Variants in SPATA6 observed in about 807,000 individuals in gnomAD.
SPATA6 encodes spermatogenesis associated 6, also known as spermatogenesis-associated protein 6.
A neutral mutation model predicts 65.3 loss-of-function variants in SPATA6; 56 were observed. The observed-to-expected ratio is 0.86, with a 90% CI of 0.69 to 1.07. The LOEUF is 1.07. Among genes scored for constraint, SPATA6 ranks in the 50% least tolerant of loss-of-function variants. The pLI is 0.00. For synonymous variants in SPATA6, 199 were observed against 213.2 expected (o/e 0.93, Z 0.58); for missense variants, 590 against 594.8 (o/e 0.99, Z 0.08).
At chr1:48,277,041 TAACTC>T in the SPATA6 span, among the ~76,000 whole-genome samples, 1 of 151,444 alleles carries the variant, frequency 6.6e-6, no homozygotes, top group Non-Finnish European at 1.5e-5. Flanking sequence ...TTAAGATAGT[TAACTC>T]TTCTTGTTGC....
intron 8 of SPATA6, among the ~76,000 whole-genome samples, chr1:48,394,491 T>C (rs1271902095): frequency 2.0e-5 from 3 of 152,072 alleles, no homozygotes; most frequent in Non-Finnish European, 4.4e-5. Context: ...AAAGACCTGT[T>C]GATTATCACA....
At chr1:48,331,289 T>G (rs1232172489) in intron 11 of SPATA6, among the ~76,000 whole-genome samples, 4 of 151,844 alleles carry the variant, frequency 2.6e-5, no homozygotes, top group African/African-American at 9.7e-5. Context: ...TCGTCGAGAT[T>G]CAGGAGACTG....
chr1:48,464,605 C>T (rs2148195500), intron 1 of SPATA6, among the ~76,000 whole-genome samples: 1 of 152,200 alleles, frequency 6.6e-6, no homozygotes, highest in Middle Eastern at 3.4e-3. Flanking sequence ...GGGCTATTGC[C>T]TCATAAACCA....
intron 3 of SPATA6, among the ~76,000 whole-genome samples, chr1:48,442,704 G>A (rs923050226): frequency 4.8e-5 from 4 of 84,014 alleles, no homozygotes; most frequent in African/African-American, 1.9e-4. Flanking sequence ...AAGAGAAAGA[G>A]AGATGGAAGT....
intron 9 of SPATA6, among the ~76,000 whole-genome samples, chr1:48,384,000 G>T (rs1178277402): frequency 6.6e-6 from 1 of 151,114 alleles, no homozygotes; most frequent in Non-Finnish European, 1.5e-5. Context: ...CTGGGAGGTG[G>T]TTGCAGCGAG....
chr1:48,385,352 GA>G lies in SPATA6; in HGVS notation c.869-4del. The G allele has an allele frequency of 1.2e-6, 2 of 1,607,360 alleles. No homozygotes were observed. The highest frequency in any genetic ancestry group is 2.2e-5 in the South Asian group (2 of 89,412). On this transcript the variant is annotated splice_polypyrimidine_tract_variant and splice_region_variant and intron_variant, in intron 8 of 12. Coordinates refer to ENST00000371847, the MANE Select transcript of SPATA6 (RefSeq NM_019073.4). ...GCAGCAGCCAAGATGAGAATGATCT[GA>G]AAAAGGAAGTACAAAACAATTAAAG...
chr1:48,364,159 C>A (rs1211800872), intron 9 of SPATA6, among the ~76,000 whole-genome samples: 2 of 152,144 alleles, frequency 1.3e-5, no homozygotes, highest in Non-Finnish European at 2.9e-5. Flanking sequence ...GCATAGTATT[C>A]CATGGTGTAT....
intron 3 of SPATA6, among the ~76,000 whole-genome samples, chr1:48,440,043 C>G (rs1391921666): frequency 6.6e-6 from 1 of 152,134 alleles, no homozygotes; most frequent in Non-Finnish European, 1.5e-5. Flanking sequence ...ACAAGAGGAC[C>G]TCTCAGCTTA....
At chr1:48,427,486 T>C (rs1447537507) in intron 3 of SPATA6, among the ~76,000 whole-genome samples, 2 of 151,226 alleles carry the variant, frequency 1.3e-5, no homozygotes, top group African/African-American at 2.4e-5. Context: ...TCAGGAAACT[T>C]TGCTGAAATG....
chr1:48,282,492 A>G, the SPATA6 span, among the ~76,000 whole-genome samples: 2 of 152,222 alleles, frequency 1.3e-5, no homozygotes, highest in Admixed American at 6.5e-5. Flanking sequence ...CTTACAAGAA[A>G]AAAACAAACA....
intron 2 of SPATA6, 48 bp downstream of exon 2, chr1:48,452,946 C>G (rs376082161): frequency 1.1e-5 from 17 of 1,576,252 alleles, no homozygotes; most frequent in African/African-American, 9.6e-5. Context: ...AAATTGGAAC[C>G]ACTTTGATGT....
At chr1:48,301,502 T>C (rs1644937211) in intron 12 of SPATA6, among the ~76,000 whole-genome samples, 1 of 148,052 alleles carries the variant, frequency 6.8e-6, no homozygotes, top group Non-Finnish European at 1.5e-5. Flanking sequence ...GCAATAATAA[T>C]AAAAAAATCC....
intron 11 of SPATA6, among the ~76,000 whole-genome samples, chr1:48,316,328 A>C (rs1645418666): frequency 6.6e-6 from 1 of 152,198 alleles, no homozygotes; most frequent in Admixed American, 6.5e-5. Flanking sequence ...CTGGTACCAA[A>C]ACAGAGATAT....
intron 9 of SPATA6, among the ~76,000 whole-genome samples, chr1:48,383,326 C>T (rs1390585088): frequency 3.3e-5 from 2 of 60,814 alleles, no homozygotes; most frequent in African/African-American, 9.5e-5. Context: ...CCACCTCCCT[C>T]CCGGACGGGG....
intron 3 of SPATA6, among the ~76,000 whole-genome samples, chr1:48,443,936 T>C (rs1471653166): frequency 1.3e-5 from 2 of 152,184 alleles, no homozygotes; most frequent in Non-Finnish European, 2.9e-5. Flanking sequence ...CGAGGACCCC[T>C]GGACCGACCC....
intron 11 of SPATA6, among the ~76,000 whole-genome samples, chr1:48,314,692 A>G (rs1645347121): frequency 6.6e-6 from 1 of 152,228 alleles, no homozygotes; most frequent in African/African-American, 2.4e-5. Context: ...AACTAAGATC[A>G]GAGCAGAACT....
chr1:48,312,854 G>T (rs1570050489), intron 11 of SPATA6, among the ~76,000 whole-genome samples: 1 of 152,106 alleles, frequency 6.6e-6, no homozygotes, highest in East Asian at 1.9e-4. Flanking sequence ...GTCCTTAAAG[G>T]ACCTGATGGA....
At chr1:48,302,006 A>G (rs755303822) in intron 12 of SPATA6, among the ~76,000 whole-genome samples, 12 of 152,064 alleles carry the variant, frequency 7.9e-5, no homozygotes, top group Non-Finnish European at 1.5e-4. Context: ...CCAGTAATTC[A>G]TTTTTCATGT....
chr1:48,310,343 G>C (rs1390914073), intron 11 of SPATA6, among the ~76,000 whole-genome samples: 1 of 152,136 alleles, frequency 6.6e-6, no homozygotes, highest in African/African-American at 2.4e-5. Flanking sequence ...CTCTAACAGT[G>C]CCTGCCAAAA....
Sources: gnomAD v4.1 joint callset for allele counts (sites outside exome capture counted in the v4.1 genomes callset) on GRCh38, gnomAD v4.1.1 for gene constraint, MANE v1.5 for transcripts, NCBI Gene and HGNC (gene_info 2026-07-23, HGNC 2026-07-21) for gene names.